Variants in NOTCH3 observed in about 807,000 individuals in gnomAD.
NOTCH3 encodes the protein neurogenic locus notch homolog protein 3.
A neutral mutation model predicts 213.3 loss-of-function variants in NOTCH3; 86 were observed. That is an observed-to-expected ratio of 0.40 (90% CI 0.34 to 0.48). NOTCH3 has a LOEUF of 0.48. NOTCH3 is among the 20% of genes least tolerant of loss of function. NOTCH3 has a pLI of 0.57. For synonymous variants in NOTCH3, 1,354 were observed against 1,355.9 expected (o/e 1.00, Z 0.03); for missense variants, 2,783 against 3,272.6 (o/e 0.85, Z 3.65).
chr19:15,190,160 G>C (rs545176805), intron 6 of NOTCH3, among the ~76,000 whole-genome samples: 1 of 152,218 alleles, frequency 6.6e-6, no homozygotes, highest in Admixed American at 6.6e-5. Flanking sequence ...TGTAATCCCA[G>C]CTACTTGGGG....
intron 24 of NOTCH3, among the ~76,000 whole-genome samples, chr19:15,175,062 T>G (rs573275177): frequency 6.6e-6 from 1 of 152,146 alleles, no homozygotes; most frequent in Non-Finnish European, 1.5e-5. Context: ...ACTGGCTAAC[T>G]ATTAATTAAT....
rs1253481933 is a variant in NOTCH3, at chr19:15,160,714, G to A, written c.6914C>T (p.Thr2305Ile). ...SVPSSLAQAQ[T>I]QLGPQPEVTP... ...AACTTCCGGCTGGGGCCCCAGCTGG[G>A]TCTGGGCCTGAGCAAGGGAGCTGGG... The change falls in exon 33 of 33, where the codon ACC becomes ATC. Residue 2305 changes from threonine to isoleucine, a missense_variant. This residue lies in a region of NOTCH3 where 441 missense variants were observed against 432.1 expected (regional missense o/e 1.02). Transcript: ENST00000263388. The A allele has an allele frequency of 3.1e-6, 5 of 1,614,092 alleles. No homozygotes were observed. The East Asian group carries it at 1.1e-4, about 36-fold the overall frequency.
chr19:15,195,616 C>T (rs1047539686), intron 2 of NOTCH3, among the ~76,000 whole-genome samples: 4 of 151,938 alleles, frequency 2.6e-5, no homozygotes, highest in Non-Finnish European at 5.9e-5. Flanking sequence ...GGTCGGGGCA[C>T]GGCCGAGCAA....
intron 16 of NOTCH3, among the ~76,000 whole-genome samples, chr19:15,184,037 C>CAAA (rs34518539): frequency 3.6e-4 from 10 of 27,620 alleles, no homozygotes; most frequent in African/African-American, 6.0e-4. Flanking sequence ...GACTCTGTCT[C>CAAA]AAAAAAAAAA....
intron 1 of NOTCH3, among the ~76,000 whole-genome samples, chr19:15,199,467 G>A (rs1019516969): frequency 2.6e-5 from 4 of 152,160 alleles, no homozygotes; most frequent in Non-Finnish European, 5.9e-5. Context: ...GTGTAAGCAT[G>A]TCCTTGAGTC....
chr19:15,173,054 CTCT>C (rs1219069116), intron 25 of NOTCH3, among the ~76,000 whole-genome samples: 170 of 5,518 alleles, frequency 0.031, 5 homozygotes, highest in Non-Finnish European at 0.038. Flanking sequence ...TCCCTCCTCC[CTCT>C]TCTTCTTCTT....
chr19:15,192,222 A>G lies in NOTCH3; in HGVS notation c.417T>C (p.Asp139=), dbSNP rs760836384. The change falls in exon 4 of 33, where the codon GAT becomes GAC. Residue 139 remains aspartate, a synonymous_variant. Transcript: ENST00000263388. ...AHGARCSVGP[D]GRFLCSCPPG... Reference sequence around the variant, plus strand: ...GTGGGCAGGAGCAGAGGAAGCGTCCATCGGGCCCCACTGAGCAGCGGGCAC... The same window carrying G: ...GTGGGCAGGAGCAGAGGAAGCGTCCGTCGGGCCCCACTGAGCAGCGGGCAC... 8 of 1,608,808 alleles carry G rather than the reference A, an allele frequency of 5.0e-6. No homozygotes were observed. The highest frequency in any genetic ancestry group is 5.9e-6 in the Non-Finnish European group (7 of 1,178,182).
intron 16 of NOTCH3, among the ~76,000 whole-genome samples, 189 bp downstream of exon 16, chr19:15,184,106 T>G (rs978254200): frequency 1.0e-4 from 15 of 146,796 alleles, no homozygotes; most frequent in Admixed American, 1.4e-4. Context: ...CCCAGCTCAT[T>G]CCCTAACTCG....
Position 15,188,253 on chromosome 19 carries a change from T to A in NOTCH3, c.1474A>T (p.Ser492Cys), listed in dbSNP as rs2046899820. Residue 492 changes from serine (S) to cysteine (C), a missense_variant, in exon 9 of 33, where the codon AGC becomes TGC. By Grantham distance (112) the Ser-to-Cys change is moderately radical (BLOSUM62 -1). This residue lies in a region of NOTCH3 where 708 missense variants were observed against 906.6 expected (regional missense o/e 0.78). Transcript: ENST00000263388. ...TCCTCACCCGAGGGGCAGGTGCAGC[T>A]GAAGCCATTGACTCGGTCCTTGCAG... ...GVCKDRVNGF[S>C]CTCPSGFSGS... 6.3e-7 allele frequency: 1 copy of A among 1,599,662 alleles called. No homozygotes were observed. Among genetic ancestry groups the A allele is most frequent in the South Asian group, 1.1e-5 (1 of 88,684 alleles).
Position 15,161,096 on chromosome 19 carries a change from G to A in NOTCH3, c.6532C>T (p.Pro2178Ser), listed in dbSNP as rs751951476. Reference sequence around the variant, plus strand: ...AGGAACGAGGGGCCTGGAGGGGCAGGTGGGGGCAGCCGGGCCCAATCGAGG... The same window carrying A: ...AGGAACGAGGGGCCTGGAGGGGCAGATGGGGGCAGCCGGGCCCAATCGAGG... Reference protein sequence around the residue: ...VPLDWARLPPPAPPGPSFLLP... With the variant: ...VPLDWARLPPSAPPGPSFLLP... The change falls in exon 33 of 33, where the codon CCT becomes TCT. Residue 2178 changes from proline (P) to serine (S), a missense_variant. By Grantham distance (74) the Pro-to-Ser change is moderately conservative (BLOSUM62 -1). This residue lies in a region of NOTCH3 where 441 missense variants were observed against 432.1 expected (regional missense o/e 1.02). Coordinates refer to ENST00000263388, the MANE Select transcript of NOTCH3 (RefSeq NM_000435.3). 613 of 1,541,304 alleles carry A rather than the reference G, an allele frequency of 4.0e-4. 4 individuals are homozygous for A. The highest frequency in any genetic ancestry group is 2.3e-3 in the Admixed American group (116 of 51,262).
In NOTCH3 at chr19:15,185,501, A is replaced by T; in HGVS notation, c.2130T>A (p.Tyr710Ter). ...AGGGCCCTCACCCGCCAGGTGCATC[A>T]TAGCAGATGCCGTGACTGCAGGGCT... The part of the protein sequence containing the change: ...AHEPCSHGIC[Y>*]DAPGGFRCVC... Residue 710 changes from tyrosine to a stop codon, truncating the protein, a stop_gained, in exon 13 of 33, where the codon TAT (tyrosine) becomes TAA (stop). Coordinates refer to ENST00000263388, the MANE Select transcript of NOTCH3 (RefSeq NM_000435.3). LOFTEE classifies it high-confidence loss of function. The surrounding 1 kb of genome is among the most constrained non-coding windows in gnomAD (Gnocchi z 4.2). The T allele has an allele frequency of 3.1e-6, 5 of 1,613,596 alleles. No individual in the cohort carries two copies. The highest frequency in any genetic ancestry group is 4.2e-6 in the Non-Finnish European group (5 of 1,179,858).
chr19:15,183,832 C>T (rs1479421421), intron 16 of NOTCH3, among the ~76,000 whole-genome samples: 1 of 151,994 alleles, frequency 6.6e-6, no homozygotes, highest in Non-Finnish European at 1.5e-5. Context: ...AGGTAGATTG[C>T]TTGAGCCCAG....
chr19:15,179,187 C>T lies in NOTCH3; in HGVS notation c.3556G>A (p.Val1186Met), dbSNP rs1400946198. 1 of 1,614,102 alleles carries T rather than the reference C, an allele frequency of 6.2e-7. No individual in the cohort carries two copies. The highest frequency in any genetic ancestry group is 8.5e-7 in the Non-Finnish European group (1 of 1,180,002). ...CLHNGTCVDL[V>M]GGFRCTCPPG... ...GGACAGGTGCAGCGGAAACCACCCA[C>T]CAGGTCCACGCAGGTGCCATTGTGT... The change falls in exon 22 of 33, where the codon GTG (valine) becomes ATG (methionine). Residue 1186 changes from valine to methionine, a missense_variant. Physicochemically the swap from Val to Met is conservative, Grantham distance 21. This residue lies in a region of NOTCH3 where 861 missense variants were observed against 909.1 expected (regional missense o/e 0.95). Transcript: ENST00000263388.
In NOTCH3 at chr19:15,177,865, G is replaced by A; in HGVS notation, c.4063C>T (p.Leu1355Phe). The A allele has an allele frequency of 8.2e-7, 1 of 1,223,826 alleles. No homozygotes were observed. Among genetic ancestry groups the A allele is most frequent in the Non-Finnish European group, 1.0e-6 (1 of 984,218 alleles). The allele number at this position is 1,223,826 out of a possible 1,614,324, so 75.8% of individuals were successfully genotyped here. A position where few individuals can be genotyped will look rare whatever the true frequency, so the allele number is the denominator to read the frequency against. Reference protein sequence around the residue: ...LHGGSCRPAPLAPFFRCACAQ... With the variant: ...LHGGSCRPAPFAPFFRCACAQ... ...CAAGCGCAGCGGAAGAAGGGCGCGA[G>A]CGGCGCGGGGCGGCAGGAGCCCCCG... The change falls in exon 24 of 33, where the codon CTC (leucine) becomes TTC (phenylalanine). Residue 1355 changes from leucine (L) to phenylalanine (F), a missense_variant. Physicochemically the swap from Leu to Phe is conservative, Grantham distance 22. Transcript: ENST00000263388.
chr19:15,196,294 C>T (rs1319816088), intron 2 of NOTCH3, among the ~76,000 whole-genome samples: 2 of 152,130 alleles, frequency 1.3e-5, no homozygotes, highest in Non-Finnish European at 2.9e-5. Context: ...CCCGGCCCCA[C>T]CGCTCGCCCT....
intron 2 of NOTCH3, among the ~76,000 whole-genome samples, chr19:15,193,292 A>C (rs2046944267): frequency 6.6e-6 from 1 of 151,458 alleles, no homozygotes; most frequent in African/African-American, 2.4e-5. Flanking sequence ...GCTGCAGTGC[A>C]GTGGCGCGAT....
chr19:15,188,797 C>G (rs1175266179), intron 8 of NOTCH3, among the ~76,000 whole-genome samples, 192 bp downstream of exon 8: 1 of 152,196 alleles, frequency 6.6e-6, no homozygotes, highest in Non-Finnish European at 1.5e-5. Flanking sequence ...GTTCTACTGA[C>G]TCCATTTGAC....
At chr19:15,193,073 T>C (rs1426579581) in intron 2 of NOTCH3, among the ~76,000 whole-genome samples, 2 of 151,932 alleles carry the variant, frequency 1.3e-5, no homozygotes, top group South Asian at 2.1e-4. Flanking sequence ...GGAGAACATA[T>C]ACGAATAACA....
rs778350156 is a variant in NOTCH3, at chr19:15,187,122, C to T, written c.1823G>A (p.Cys608Tyr). Residue 608 changes from cysteine to tyrosine, a missense_variant, in exon 11 of 33, where the codon TGC (cysteine) becomes TAC (tyrosine). Physicochemically the swap from Cys to Tyr is radical, Grantham distance 194. Transcript: ENST00000263388. ...LDLVDKYLCR[C>Y]PSGTTGVNCE... The stretch of plus-strand genomic sequence containing the variant: ...GGTCCCACCTGTGGTCCCAGAAGGG[C>T]AGCGGCAGAGGTACTTGTCCACCAG... 6.2e-7 allele frequency: 1 copy of T among 1,614,030 alleles called. No individual in the cohort carries two copies. Among genetic ancestry groups the T allele is most frequent in the Non-Finnish European group, 8.5e-7 (1 of 1,179,980 alleles).
Sources: allele counts gnomAD v4.1 joint callset (sites outside exome capture counted in the v4.1 genomes callset), GRCh38; gene constraint gnomAD v4.1.1; regional missense constraint gnomAD v4.1.1; non-coding constraint Gnocchi (gnomAD v3.1); transcripts MANE v1.5; gene names NCBI Gene and HGNC (gene_info 2026-07-23, HGNC 2026-07-21).